IGF2BP2: variants seen among roughly 807,000 people sequenced by gnomAD.
The protein encoded by IGF2BP2 is insulin like growth factor 2 mRNA binding protein 2.
In IGF2BP2, 17 loss-of-function variants were observed where a neutral mutation model predicts 75.8. That is an observed-to-expected ratio of 0.22 (90% confidence interval 0.15 to 0.34). The LOEUF (loss-of-function observed/expected upper bound fraction) is 0.34. Ranked by LOEUF, IGF2BP2 falls within the 10% of genes least tolerant of loss-of-function variation. The pLI, the probability that IGF2BP2 is intolerant of heterozygous loss-of-function variation, is 1.00. For missense variants in IGF2BP2, 516 were observed against 772.4 expected, an observed-to-expected ratio of 0.67 and a Z score of 3.93; for synonymous variants, 288 against 295.6, an observed-to-expected ratio of 0.97 and a Z score of 0.26.
intron 2 of IGF2BP2, among the ~76,000 whole-genome samples, chr3:185,715,268 G>A (rs1184114707): frequency 6.6e-6 from 1 of 152,234 alleles, no homozygotes; most frequent in East Asian, 1.9e-4. Context: ...TGATTTGAGA[G>A]GAGCAGAGAA....
chr3:185,675,365 A>G lies in IGF2BP2; in HGVS notation c.1002T>C (p.Cys334=). The G allele has an allele frequency of 1.9e-6, 3 of 1,612,604 alleles. No individual in the cohort carries two copies. Among genetic ancestry groups the G allele is most frequent in the Non-Finnish European group, 2.5e-6 (3 of 1,179,608 alleles). ...TCATAATCTCTATCTCAGCACTGGC[A>G]CAGGCCTCAACTGTGCCCTTCACAG... The part of the protein sequence containing the change: ...TITVKGTVEA[C]ASAEIEIMKK... Residue 334 remains cysteine, a synonymous_variant, in exon 9 of 16, where the codon TGT becomes TGC. Coordinates refer to ENST00000382199, the MANE Select transcript of IGF2BP2 (RefSeq NM_006548.6).
At chr3:185,677,069 A>ATATATATG in intron 7 of IGF2BP2, among the ~76,000 whole-genome samples, 1 of 32,118 alleles carries the variant, frequency 3.1e-5, no homozygotes, top group South Asian at 1.1e-3. Flanking sequence ...ATATATATAT[A>ATATATATG]GAGAGAGAGA....
At chr3:185,654,618 C>T (rs1045951321) in intron 12 of IGF2BP2, among the ~76,000 whole-genome samples, 2 of 152,210 alleles carry the variant, frequency 1.3e-5, no homozygotes, top group Non-Finnish European at 2.9e-5. Flanking sequence ...AGTCGGAGGG[C>T]TACTTGTGCA....
In IGF2BP2 at chr3:185,672,668, T is replaced by C; in HGVS notation, c.1073A>G (p.Gln358Arg). The C allele has an allele frequency of 6.2e-7, 1 of 1,614,042 alleles. No individual in the cohort carries two copies. Reference sequence around the variant, plus strand: ...CAACCCTGGGATCAGATTGGCTTGTTGCTGGGAATAGAAATGGAGAAAAAA... The same window carrying C: ...CAACCCTGGGATCAGATTGGCTTGTCGCTGGGAATAGAAATGGAGAAAAAA... ...AFENDMLAVN[Q>R]QANLIPGLNL... is the part of the protein sequence containing the mutation. The change falls in exon 10 of 16, where the codon CAA becomes CGA. Residue 358 changes from glutamine to arginine, a missense_variant and splice_region_variant. Physicochemically the swap from Gln to Arg is conservative, Grantham distance 43 (BLOSUM62 1). Around this residue, in one of 3 missense-constraint regions of IGF2BP2, gnomAD observed 312 missense variants for 474.5 expected, o/e 0.66. Coordinates refer to ENST00000382199, the MANE Select transcript of IGF2BP2 (RefSeq NM_006548.6).
intron 10 of IGF2BP2, among the ~76,000 whole-genome samples, chr3:185,665,320 AAGG>A (rs773580962): frequency 0.036 from 1,820 of 50,058 alleles, 70 homozygotes; most frequent in South Asian, 0.15. Context: ...GCAGAAGGAG[AAGG>A]AGGAGGAGGA....
chr3:185,824,838 G>A lies in IGF2BP2; in HGVS notation c.123C>T (p.Ala41=), dbSNP rs1460661887. Residue 41 remains alanine (A), a synonymous_variant, in exon 1 of 16, where the codon GCC becomes GCT. Transcript: ENST00000382199. ...AGTTCTGGTCGGGGTAGTCCACGAA[G>A]GCGTAGCCGGACTTCAGCAGGACCT... is the stretch of plus-strand genomic sequence containing the variant. ...AGQVLLKSGY[A]FVDYPDQNWA... is the part of the protein sequence containing the mutation. The A allele has an allele frequency of 6.5e-7, 1 of 1,542,358 alleles. No individual in the cohort carries two copies. Among genetic ancestry groups the A allele is most frequent in the Non-Finnish European group, 8.8e-7 (1 of 1,142,816 alleles).
At chr3:185,805,668 A>G (rs928741373) in intron 2 of IGF2BP2, among the ~76,000 whole-genome samples, 1 of 152,168 alleles carries the variant, frequency 6.6e-6, no homozygotes, top group Non-Finnish European at 1.5e-5. Flanking sequence ...ACAAGGACAT[A>G]GAGTTATAGA....
chr3:185,702,629 A>C (rs1723465973), intron 2 of IGF2BP2, among the ~76,000 whole-genome samples: 1 of 151,934 alleles, frequency 6.6e-6, no homozygotes, highest in African/African-American at 2.4e-5. Flanking sequence ...TGGTCCCTCC[A>C]TCTTTGGCCT....
chr3:185,672,030 T>C (rs937562677), intron 10 of IGF2BP2, among the ~76,000 whole-genome samples: 1 of 152,244 alleles, frequency 6.6e-6, no homozygotes, highest in African/African-American at 2.4e-5. Flanking sequence ...ACTTACTAAA[T>C]ACCAGGCATT....
At chr3:185,649,154 A>AT (rs1440600925) in intron 14 of IGF2BP2, among the ~76,000 whole-genome samples, 2 of 151,996 alleles carry the variant, frequency 1.3e-5, no homozygotes, top group Non-Finnish European at 2.9e-5. Context: ...GGACTGTGGT[A>AT]TTTTTGGTGC....
rs1713733334 is a variant in IGF2BP2 at position 185,647,230 on chromosome 3, A to AG, written c.1594-93dup. ...GGAGTGAGGGGCCAAGAGGTGGAGCAGGGGAAGGAGGGGGGCTGGACTCTG... is the reference window on the plus strand; with the variant it reads ...GGAGTGAGGGGCCAAGAGGTGGAGCAGGGGGAAGGAGGGGGGCTGGACTCTG... On this transcript the variant is annotated intron_variant, in intron 14 of 15. Transcript: ENST00000382199. This position sits in a 1 kb window ranked among gnomAD's most constrained non-coding sequence, Gnocchi z 4.9. The AG allele has an allele frequency of 1.1e-6, 1 of 873,720 alleles. No individual in the cohort carries two copies. Among genetic ancestry groups the AG allele is most frequent in the Non-Finnish European group, 2.0e-6 (1 of 511,308 alleles). 54.1% of individuals were successfully genotyped at this position (873,720 alleles called of 1,614,324 possible).
At chr3:185,744,292 T>G (rs1164205173) in intron 2 of IGF2BP2, among the ~76,000 whole-genome samples, 5 of 152,226 alleles carry the variant, frequency 3.3e-5, no homozygotes, top group Non-Finnish European at 5.9e-5. Flanking sequence ...TTTATGTGAT[T>G]GATCTGGGTA....
At chr3:185,749,976 C>T (rs1730747086) in intron 2 of IGF2BP2, among the ~76,000 whole-genome samples, 1 of 152,186 alleles carries the variant, frequency 6.6e-6, no homozygotes, top group Non-Finnish European at 1.5e-5. Context: ...AGAATAGAAG[C>T]TCTTTGTAGG....
chr3:185,810,880 C>T (rs1297097200), intron 2 of IGF2BP2, among the ~76,000 whole-genome samples: 1 of 151,806 alleles, frequency 6.6e-6, no homozygotes, highest in Non-Finnish European at 1.5e-5. Flanking sequence ...ATCAAATTTT[C>T]TTAGAAAGTG....
intron 2 of IGF2BP2, among the ~76,000 whole-genome samples, chr3:185,797,336 T>G (rs1737557904): frequency 6.6e-6 from 1 of 152,198 alleles, no homozygotes; most frequent in Non-Finnish European, 1.5e-5. Context: ...GGAGTACAGC[T>G]AGGCTGGACC....
chr3:185,646,916 T>C (rs1443413858), intron 15 of IGF2BP2, 109 bp downstream of exon 15: 3 of 780,906 alleles, frequency 3.8e-6, no homozygotes, highest in Admixed American at 2.0e-5. Context: ...GGTTCCATCT[T>C]GGCGTGGATT....
intron 7 of IGF2BP2, among the ~76,000 whole-genome samples, chr3:185,685,118 C>T (rs1296095961): frequency 4.6e-5 from 7 of 152,020 alleles, no homozygotes; most frequent in Non-Finnish European, 8.8e-5. Flanking sequence ...GAGGCCAAGG[C>T]GGGTGGATCA....
At chr3:185,775,295 A>T (rs1238647251) in intron 2 of IGF2BP2, among the ~76,000 whole-genome samples, 5 of 152,220 alleles carry the variant, frequency 3.3e-5, no homozygotes. Context: ...TGTTTTGTAA[A>T]GGAGTTGTTC....
intron 2 of IGF2BP2, among the ~76,000 whole-genome samples, chr3:185,789,741 T>G: frequency 6.7e-6 from 1 of 149,402 alleles, no homozygotes; most frequent in Non-Finnish European, 1.5e-5. Flanking sequence ...TTTTTTTTTT[T>G]TTTTTTTTTT....
Sources: gnomAD v4.1 joint callset for allele counts (sites outside exome capture counted in the v4.1 genomes callset) on GRCh38, gnomAD v4.1.1 for gene constraint, gnomAD v4.1.1 regional missense constraint, Gnocchi (gnomAD v3.1) non-coding constraint, MANE v1.5 for transcripts, NCBI Gene and HGNC (gene_info 2026-07-23, HGNC 2026-07-21) for gene names.